Variants in KLHL29 observed in about 807,000 individuals in gnomAD.
KLHL29 encodes kelch-like protein 29.
KLHL29 carries 21 observed loss-of-function variants against 80.4 expected under a neutral mutation model. The ratio of observed to expected loss-of-function variants is 0.26; its 90% CI spans 0.19 to 0.38. KLHL29 has a LOEUF of 0.38. Ranked by LOEUF, KLHL29 falls within the 10% of genes least tolerant of loss-of-function variation. The pLI, the probability that KLHL29 is intolerant of heterozygous loss-of-function variation, is 1.00. For synonymous variants in KLHL29, 511 were observed against 526.8 expected (o/e 0.97, Z 0.41); for missense variants, 867 against 1,223.9 (o/e 0.71, Z 4.35).
chr2:23,647,058 A>G lies in KLHL29; in HGVS notation c.940+4208A>G, dbSNP rs1335382258. Reference sequence around the variant, plus strand: ...CCAGGCCCTCCCCAGCGCAGAGGAGATGGAAGAAGCCCATGCTTGTCCACA... The same window carrying G: ...CCAGGCCCTCCCCAGCGCAGAGGAGGTGGAAGAAGCCCATGCTTGTCCACA... On this transcript the variant is annotated intron_variant, in intron 5 of 13. Transcript: ENST00000486442. The surrounding 1 kb of genome is among the most constrained non-coding windows in gnomAD (Gnocchi z 4.9). Among the ~76,000 whole-genome samples, 1 of 152,318 alleles carries G rather than the reference A, an allele frequency of 6.6e-6. No individual in the cohort carries two copies. Among genetic ancestry groups the G allele is most frequent in the East Asian group, 1.9e-4 (1 of 5,180 alleles).
chr2:23,699,375 G>A (rs1173630766), intron 11 of KLHL29, among the ~76,000 whole-genome samples: 1 of 152,248 alleles, frequency 6.6e-6, no homozygotes, highest in African/African-American at 2.4e-5. Context: ...GAGCAGCATG[G>A]TGGGCGGTAG....
chr2:23,406,930 T>TA (rs1192019813), intron 1 of KLHL29, among the ~76,000 whole-genome samples: 1 of 152,184 alleles, frequency 6.6e-6, no homozygotes, highest in Non-Finnish European at 1.5e-5. Flanking sequence ...CACCCAGAGA[T>TA]AAAAAAACAA....
intron 1 of KLHL29, among the ~76,000 whole-genome samples, chr2:23,463,575 T>C (rs990718961): frequency 1.3e-5 from 2 of 152,174 alleles, no homozygotes; most frequent in African/African-American, 4.8e-5. Flanking sequence ...GTAGCCTATG[T>C]CTGTGAATGT....
In KLHL29 at chr2:23,681,610, AGGG is replaced by A; in HGVS notation, c.941-2786_941-2784del. On this transcript the variant is annotated intron_variant, in intron 5 of 13. Transcript: ENST00000486442. The surrounding 1 kb of genome is among the most constrained non-coding windows in gnomAD (Gnocchi z 4.2). ...TGTCACTCTCTGCAGCATGACACCC[AGGG>A]GGCTACCAAGCAGGTGTCTCTGCCC... 6.6e-6 allele frequency among the ~76,000 whole-genome samples: 1 copy of A among 152,268 alleles called. No homozygotes were observed. The highest frequency in any genetic ancestry group is 3.4e-3 in the Middle Eastern group (1 of 294).
intron 3 of KLHL29, among the ~76,000 whole-genome samples, chr2:23,602,613 AT>A (rs3028904): frequency 0.011 from 1,526 of 140,270 alleles, 18 homozygotes; most frequent in South Asian, 0.047. Context: ...CTCTACGTGA[AT>A]TTTTTTTTTT....
At chr2:23,662,861 G>C (rs968658509) in intron 5 of KLHL29, among the ~76,000 whole-genome samples, 11 of 152,224 alleles carry the variant, frequency 7.2e-5, no homozygotes, top group Admixed American at 1.3e-4. Context: ...AGGAAGCAAT[G>C]AAACACAGCG....
intron 5 of KLHL29, among the ~76,000 whole-genome samples, chr2:23,659,241 C>T (rs1670334014): frequency 6.6e-6 from 1 of 152,212 alleles, no homozygotes; most frequent in Admixed American, 6.5e-5. Flanking sequence ...AACCCGTCCG[C>T]AGCGGCGCTG....
At chr2:23,594,302 C>A (rs983248789) in intron 3 of KLHL29, among the ~76,000 whole-genome samples, 10 of 152,110 alleles carry the variant, frequency 6.6e-5, no homozygotes, top group African/African-American at 2.4e-4. Context: ...CCATCTGGAA[C>A]CAATTCGCGT....
At position 23,685,798 on chromosome 2, in the gene KLHL29, G is replaced by A. The variant is rs868326204; in HGVS notation, c.1079+1261G>A. On this transcript the variant is annotated intron_variant, in intron 6 of 13. Coordinates refer to ENST00000486442, the MANE Select transcript of KLHL29 (RefSeq NM_052920.2). The stretch of plus-strand genomic sequence containing the variant: ...CTAGTGGCCTCACCAGGCCAGGGAG[G>A]ACTCTGTGCTGCCACTCTTGACAAA... 3.3e-5 allele frequency among the ~76,000 whole-genome samples: 5 copies of A among 152,336 alleles called. No homozygotes were observed. The South Asian group carries it at 1.0e-3, about 32-fold the overall frequency.
At chr2:23,424,059 CAG>C (rs1160788975) in intron 1 of KLHL29, among the ~76,000 whole-genome samples, 1 of 152,216 alleles carries the variant, frequency 6.6e-6, no homozygotes, top group African/African-American at 2.4e-5. Context: ...CCCTGAAGGA[CAG>C]TGGGGCTCTT....
chr2:23,574,575 G>A (rs967343439), intron 3 of KLHL29, among the ~76,000 whole-genome samples: 6 of 152,238 alleles, frequency 3.9e-5, no homozygotes, highest in African/African-American at 1.4e-4. Flanking sequence ...TTTGCTTAAT[G>A]GGTAGAGTTT....
chr2:23,572,744 A>G (rs1187242597), intron 3 of KLHL29, among the ~76,000 whole-genome samples: 2 of 142,498 alleles, frequency 1.4e-5, no homozygotes, highest in Non-Finnish European at 3.0e-5. Context: ...TCTGTCACCC[A>G]GGCTGGAGTG....
intron 2 of KLHL29, among the ~76,000 whole-genome samples, chr2:23,528,420 C>T (rs1403158947): frequency 6.6e-6 from 1 of 152,162 alleles, no homozygotes; most frequent in Non-Finnish European, 1.5e-5. Context: ...AGTTCCTGCA[C>T]TCTCCGTGTG....
At position 23,684,419 on chromosome 2, in the gene KLHL29, C is replaced by G; in HGVS notation, c.961C>G (p.Gln321Glu). Residue 321 changes from glutamine to glutamate, a missense_variant, in exon 6 of 14, where the codon CAG becomes GAG. By Grantham distance (29) the Gln-to-Glu change is conservative. Coordinates refer to ENST00000486442, the MANE Select transcript of KLHL29 (RefSeq NM_052920.2). The surrounding 1 kb of genome is among the most constrained non-coding windows in gnomAD (Gnocchi z 4.4). ...HPREMLKELN[Q>E]QRRAKAFTDL... ...TGCAGAAATGTTGAAGGAATTGAAC[C>G]AGCAACGCAGAGCGAAAGCGTTTAC... 1 of 1,543,960 alleles carries G rather than the reference C, an allele frequency of 6.5e-7. No homozygotes were observed. Among genetic ancestry groups the G allele is most frequent in the Non-Finnish European group, 8.7e-7 (1 of 1,144,134 alleles).
At chr2:23,686,852 C>T (rs1301772915) in intron 6 of KLHL29, among the ~76,000 whole-genome samples, 1 of 152,164 alleles carries the variant, frequency 6.6e-6, no homozygotes, top group East Asian at 1.9e-4. Context: ...AAGCCAAAGC[C>T]AAGCCCAGGG....
At chr2:23,563,923 C>T (rs781723938) in intron 3 of KLHL29, among the ~76,000 whole-genome samples, 1 of 152,262 alleles carries the variant, frequency 6.6e-6, no homozygotes, top group Non-Finnish European at 1.5e-5. Context: ...CAGCCAAACA[C>T]ATTCCTCCCC....
rs1670947318 is a variant in KLHL29, at chr2:23,677,230, G to A, written c.941-7169G>A. 2.0e-5 allele frequency among the ~76,000 whole-genome samples: 3 copies of A among 152,366 alleles called. No homozygotes were observed. In the South Asian group the frequency reaches 6.2e-4, roughly 32 times the overall value. On this transcript the variant is annotated intron_variant, in intron 5 of 13. Transcript: ENST00000486442. The stretch of plus-strand genomic sequence containing the variant: ...CCCTGGGTCAGGGGCTGTAGGCACG[G>A]AGGGGACCTCTGAGGCCAGATATCA...
intron 2 of KLHL29, among the ~76,000 whole-genome samples, chr2:23,547,699 A>C (rs1455090588): frequency 6.6e-6 from 1 of 151,934 alleles, no homozygotes; most frequent in Non-Finnish European, 1.5e-5. Context: ...CCCAAATGCT[A>C]TTTGGGCCTA....
intron 1 of KLHL29, among the ~76,000 whole-genome samples, chr2:23,441,260 A>T (rs1293272762): frequency 6.8e-6 from 1 of 146,180 alleles, no homozygotes; most frequent in African/African-American, 2.5e-5. Context: ...GTTCTCACTC[A>T]TAGGTGGGAA....
Sources: allele counts gnomAD v4.1 joint callset (sites outside exome capture counted in the v4.1 genomes callset), GRCh38; gene constraint gnomAD v4.1.1; non-coding constraint Gnocchi (gnomAD v3.1); transcripts MANE v1.5; gene names NCBI Gene and HGNC (gene_info 2026-07-23, HGNC 2026-07-21).